IL6ST: variants seen among roughly 807,000 people sequenced by gnomAD.
IL6ST encodes interleukin 6 cytokine family signal transducer, also known as interleukin-6 receptor subunit beta.
In IL6ST, 24 loss-of-function variants were observed where a neutral mutation model predicts 91.3. The observed-to-expected ratio is 0.26, with a 90% CI of 0.19 to 0.37. The LOEUF is 0.37. Among genes scored for constraint, IL6ST ranks in the 10% least tolerant of loss-of-function variants. The pLI, the probability that IL6ST is intolerant of heterozygous loss-of-function variation, is 1.00. For missense variants in IL6ST, 914 were observed against 1,078.5 expected (o/e 0.85, Z 2.14); for synonymous variants, 351 against 373.6 (o/e 0.94, Z 0.70).
At chr5:55,953,677 C>A (rs1473859545) in intron 11 of IL6ST, among the ~76,000 whole-genome samples, 2 of 152,214 alleles carry the variant, frequency 1.3e-5, no homozygotes, top group African/African-American at 4.8e-5. Flanking sequence ...TGAGCCACCG[C>A]ATCGGCTGCT....
At chr5:55,949,230 C>G (rs529475166) in intron 14 of IL6ST, among the ~76,000 whole-genome samples, 1 of 152,090 alleles carries the variant, frequency 6.6e-6, no homozygotes, top group Non-Finnish European at 1.5e-5. Context: ...TAATCCGGCA[C>G]TCTGGGAGGC....
At position 55,968,325 on chromosome 5, in the gene IL6ST, C is replaced by A. The variant is rs2228044; in HGVS notation, c.442G>T (p.Gly148Cys). Residue 148 changes from glycine to cysteine, a missense_variant, in exon 5 of 17, where the codon GGT becomes TGT. Coordinates refer to ENST00000381298, the MANE Select transcript of IL6ST (RefSeq NM_002184.4). ...GTCTCCAAGTGTGTTTCCCTTCCACCATCCCACTCACACCTCATTTTCTTC... is the reference window on the plus strand; with the variant it reads ...GTCTCCAAGTGTGTTTCCCTTCCACAATCCCACTCACACCTCATTTTCTTC... ...EGKKMRCEWD[G>C]GRETHLETNF... The A allele has an allele frequency of 6.2e-7, 1 of 1,601,198 alleles. No homozygotes were observed. The highest frequency in any genetic ancestry group is 1.1e-5 in the South Asian group (1 of 88,242).
chr5:55,962,812 C>T (rs1194871174), intron 7 of IL6ST, among the ~76,000 whole-genome samples: 1 of 151,926 alleles, frequency 6.6e-6, no homozygotes, highest in African/African-American at 2.4e-5. Context: ...TTTGTAACAC[C>T]CATCAAAAAT....
rs1335461136 is a variant in IL6ST, at chr5:55,936,126, G to T, written c.*4956C>A. 1 of 227,900 alleles carries T rather than the reference G, an allele frequency of 4.4e-6. No homozygotes were observed. The highest frequency in any genetic ancestry group is 2.2e-5 in the African/African-American group (1 of 45,014). 14.1% of individuals were successfully genotyped at this position (227,900 alleles called of 1,614,324 possible). On this transcript the variant is annotated 3_prime_UTR_variant, in exon 17 of 17. Transcript: ENST00000381298. ...ACAATGTGAAGGCACATTAATAGTT[G>T]AGATTTTCTTTTCCTTCCAGGTGGA...
chr5:55,988,208 T>C (rs1754092134), intron 1 of IL6ST, among the ~76,000 whole-genome samples: 2 of 151,994 alleles, frequency 1.3e-5, no homozygotes, highest in Admixed American at 6.5e-5. Flanking sequence ...GAAGCGTTCC[T>C]ATTAATGTCA....
At chr5:55,959,256 A>C (rs545837858) in intron 8 of IL6ST, among the ~76,000 whole-genome samples, 1 of 152,346 alleles carries the variant, frequency 6.6e-6, no homozygotes, top group African/African-American at 2.4e-5. Context: ...GAGGACTCCC[A>C]CAGCAGCAAT....
chr5:55,956,263 AT>A (rs1209579236), intron 9 of IL6ST, 28 bp from the exon 10 acceptor site: 1 of 1,270,294 alleles, frequency 7.9e-7, no homozygotes, highest in Non-Finnish European at 1.1e-6. Context: ...ATTTTTAAAA[AT>A]AATCTCATAA....
At chr5:55,945,221 G>T (rs1486830532) in intron 15 of IL6ST, among the ~76,000 whole-genome samples, 1 of 151,986 alleles carries the variant, frequency 6.6e-6, no homozygotes, top group Non-Finnish European at 1.5e-5. Flanking sequence ...AGAACACACT[G>T]GAAGAATTCT....
intron 5 of IL6ST, among the ~76,000 whole-genome samples, chr5:55,965,395 A>G (rs1752573707): frequency 6.6e-6 from 1 of 152,150 alleles, no homozygotes; most frequent in Non-Finnish European, 1.5e-5. Context: ...TATAGCCCTA[A>G]TTTTAAACTG....
intron 7 of IL6ST, among the ~76,000 whole-genome samples, chr5:55,962,742 T>G (rs1303224415): frequency 6.6e-6 from 1 of 152,176 alleles, no homozygotes; most frequent in Non-Finnish European, 1.5e-5. Flanking sequence ...ACTAGCTACC[T>G]TATCCTTATA....
chr5:55,980,460 G>C (rs568064453), intron 2 of IL6ST, among the ~76,000 whole-genome samples: 1 of 152,306 alleles, frequency 6.6e-6, no homozygotes, highest in South Asian at 2.1e-4. Flanking sequence ...TGAGGCAGGA[G>C]AATCACTTGA....
rs536817968 is a variant in IL6ST at position 55,947,951 on chromosome 5, C to A, written c.1841-362G>T. ...GTAGAATCTTAGTAAAAGTTTATCT[C>A]TGAGTTCTAATACTGTATAACAGAG... is the stretch of plus-strand genomic sequence containing the variant. On this transcript the variant is annotated intron_variant, in intron 14 of 16. Transcript: ENST00000381298. Among the ~76,000 whole-genome samples the A allele has an allele frequency of 1.4e-3, 208 of 152,164 alleles. No homozygotes were observed. In the Middle Eastern group the frequency reaches 0.017, roughly 13 times the overall value.
intron 9 of IL6ST, among the ~76,000 whole-genome samples, 162 bp from the exon 10 acceptor site, chr5:55,956,397 A>T (rs898921193): frequency 6.6e-6 from 1 of 152,250 alleles, no homozygotes; most frequent in Non-Finnish European, 1.5e-5. Context: ...AAATAAAACT[A>T]GTACATACTA....
intron 8 of IL6ST, among the ~76,000 whole-genome samples, chr5:55,958,068 G>A (rs1035106035): frequency 2.0e-5 from 3 of 152,184 alleles, no homozygotes; most frequent in African/African-American, 7.2e-5. Flanking sequence ...CAGTATTGTT[G>A]TGATAATCAC....
chr5:55,991,240 C>T (rs1719621107), intron 1 of IL6ST, among the ~76,000 whole-genome samples: 1 of 152,140 alleles, frequency 6.6e-6, no homozygotes, highest in African/African-American at 2.4e-5. Context: ...GATTTATAAT[C>T]CTTTGGGTAT....
chr5:55,964,132 A>C lies in IL6ST; in HGVS notation c.658+14T>G. 6.9e-7 allele frequency: 1 copy of C among 1,445,566 alleles called. No homozygotes were observed. Among genetic ancestry groups the C allele is most frequent in the Non-Finnish European group, 9.4e-7 (1 of 1,064,008 alleles). 89.5% of individuals were successfully genotyped at this position (1,445,566 alleles called of 1,614,324 possible). A position where few individuals can be genotyped will look rare whatever the true frequency, so the allele number is the denominator to read the frequency against. On this transcript the variant is annotated intron_variant, in intron 6 of 16. Coordinates refer to ENST00000381298, the MANE Select transcript of IL6ST (RefSeq NM_002184.4). ...CAGTGTCAAATAAACTCTCAAATTCAGGTTTATAACTACCTTTATATACAG... is the reference window on the plus strand; with the variant it reads ...CAGTGTCAAATAAACTCTCAAATTCCGGTTTATAACTACCTTTATATACAG...
At chr5:55,976,345 C>T in intron 2 of IL6ST, 52 bp from the exon 3 acceptor site, 1 of 970,734 alleles carries the variant, frequency 1.0e-6, no homozygotes, top group Non-Finnish European at 1.5e-6. Context: ...CTTATATACA[C>T]ATAATTTAAG....
intron 3 of IL6ST, among the ~76,000 whole-genome samples, chr5:55,975,579 G>T (rs1271116388): frequency 6.6e-6 from 1 of 151,970 alleles, no homozygotes; most frequent in Non-Finnish European, 1.5e-5. Flanking sequence ...TTGCTTTGTT[G>T]CCCAGACTGA....
At chr5:55,962,936 G>A (rs559234592) in intron 7 of IL6ST, among the ~76,000 whole-genome samples, 9 of 151,980 alleles carry the variant, frequency 5.9e-5, no homozygotes, top group Middle Eastern at 3.4e-3. Context: ...GCAACACGGC[G>A]AGACTCCATC....
Sources: allele counts gnomAD v4.1 joint callset (sites outside exome capture counted in the v4.1 genomes callset), GRCh38; gene constraint gnomAD v4.1.1; transcripts MANE v1.5; gene names NCBI Gene and HGNC (gene_info 2026-07-23, HGNC 2026-07-21).